SDS: variants seen among roughly 807,000 people sequenced by gnomAD.
The protein encoded by SDS is serine dehydratase.
Under a neutral mutation model 29.3 loss-of-function variants are expected in SDS, and 19 were observed. That is an observed-to-expected ratio of 0.65 (90% confidence interval 0.45 to 0.95). The LOEUF is 0.95. Among genes scored for constraint, SDS ranks in the 40% least tolerant of loss-of-function variants. The pLI is 0.00. For synonymous variants in SDS, 176 were observed against 189.0 expected, an observed-to-expected ratio of 0.93 and a Z score of 0.56; for missense variants, 375 against 439.9, an observed-to-expected ratio of 0.85 and a Z score of 1.32.
Position 113,393,025 on chromosome 12 carries a change from G to A in SDS, c.903C>T (p.Ile301=). ...LRTPLPSLVV[I]VCGGSNISLA... is the part of the protein sequence containing the mutation. ...GGCTGATGTTGCTGCCCCCGCAGAC[G>A]ATGACCACGAGGGATGGCAGCGGGG... The change falls in exon 8 of 8, where the codon ATC becomes ATT. Residue 301 remains isoleucine (I), a synonymous_variant. Transcript: ENST00000257549. The A allele has an allele frequency of 1.2e-6, 2 of 1,614,190 alleles. No individual in the cohort carries two copies. Among genetic ancestry groups the A allele is most frequent in the Non-Finnish European group, 8.5e-7 (1 of 1,180,014 alleles).
In SDS at chr12:113,397,248, G is replaced by C; in HGVS notation, c.570C>G (p.Val190=). The C allele has an allele frequency of 1.2e-6, 2 of 1,614,196 alleles. No homozygotes were observed. Among genetic ancestry groups the C allele is most frequent in the Non-Finnish European group, 1.7e-6 (2 of 1,180,036 alleles). Residue 190 remains valine (V), a synonymous_variant, in exon 6 of 8, where the codon GTC becomes GTG. Coordinates refer to ENST00000257549, the MANE Select transcript of SDS (RefSeq NM_006843.3). The stretch of plus-strand genomic sequence containing the variant: ...GGGCACCAAAAGTCTCCATGGCGAT[G>C]ACAGGCACGTCCCCCCAGCCCACCT... ...LQEVGWGDVP[V]IAMETFGAHS...
chr12:113,401,580 G>T (rs1957685026), intron 1 of SDS, among the ~76,000 whole-genome samples: 1 of 152,134 alleles, frequency 6.6e-6, no homozygotes, highest in Non-Finnish European at 1.5e-5. Flanking sequence ...CACAGCAACA[G>T]GAAGGGGAAT....
intron 6 of SDS, chr12:113,396,768 C>T (rs527591213): frequency 3.0e-5 from 7 of 233,334 alleles, no homozygotes; most frequent in African/African-American, 1.3e-4. Flanking sequence ...TGGGACTATG[C>T]GTGTGTGCTA....
chr12:113,393,628 C>T (rs1565868704), intron 7 of SDS, among the ~76,000 whole-genome samples: 2 of 152,226 alleles, frequency 1.3e-5, no homozygotes, highest in Non-Finnish European at 2.9e-5. Context: ...TCAGAAGCAA[C>T]ATTTTAAATA....
rs367733310 is a variant in SDS, at chr12:113,392,967, C to T, written c.961G>A (p.Gly321Ser). ...AQLRALKEQL[G>S]MTNRLPK Reference sequence around the variant, plus strand: ...CACTTGGGCAACCTATTTGTCATGCCCAGCTGTTCCTTGAGCGCCCGCAGC... The same window carrying T: ...CACTTGGGCAACCTATTTGTCATGCTCAGCTGTTCCTTGAGCGCCCGCAGC... Residue 321 changes from glycine to serine, a missense_variant, in exon 8 of 8, where the codon GGC (glycine) becomes AGC (serine). Coordinates refer to ENST00000257549, the MANE Select transcript of SDS (RefSeq NM_006843.3). 4.0e-5 allele frequency: 64 copies of T among 1,614,116 alleles called. 5 individuals are homozygous for T. In the Middle Eastern group the frequency reaches 8.6e-3, roughly 216 times the overall value.
At chr12:113,393,299 C>G in intron 7 of SDS, 150 bp from the exon 8 acceptor site, 1 of 778,394 alleles carries the variant, frequency 1.3e-6, no homozygotes, top group Non-Finnish European at 2.1e-6. Context: ...GTCCCGTCAT[C>G]GGCCTGAATT....
rs529204977 is a variant in SDS, at chr12:113,400,706, T to G, written c.-2-996A>C. 5.9e-5 allele frequency among the ~76,000 whole-genome samples: 9 copies of G among 152,200 alleles called. No individual in the cohort carries two copies. In the South Asian group the frequency reaches 1.7e-3, roughly 28 times the overall value. On this transcript the variant is annotated intron_variant, in intron 1 of 7. Transcript: ENST00000257549. ...TTTTTTTTGTTTTGTTCCACATGTTTCCATGTGCACAGAGCATTTCAGGAA... is the reference window on the plus strand; with the variant it reads ...TTTTTTTTGTTTTGTTCCACATGTTGCCATGTGCACAGAGCATTTCAGGAA...
At chr12:113,400,247 G>A (rs1217220730) in intron 1 of SDS, among the ~76,000 whole-genome samples, 3 of 151,846 alleles carry the variant, frequency 2.0e-5, no homozygotes, top group South Asian at 2.1e-4. Flanking sequence ...GAGCGAGATC[G>A]CGCCATTGCA....
chr12:113,403,014 T>A (rs1957693902), intron 1 of SDS, among the ~76,000 whole-genome samples: 1 of 152,142 alleles, frequency 6.6e-6, no homozygotes, highest in Non-Finnish European at 1.5e-5. Context: ...GTGCAGGTCA[T>A]CCTTTCACCG....
At chr12:113,393,776 G>T in intron 7 of SDS, 116 bp downstream of exon 7, 7 of 1,372,676 alleles carry the variant, frequency 5.1e-6, no homozygotes, top group Non-Finnish European at 6.1e-6. Flanking sequence ...GGCAGAGGTG[G>T]AAGACAGAAC....
At chr12:113,398,489 A>G in intron 5 of SDS, 26 bp downstream of exon 5, 3 of 1,500,114 alleles carry the variant, frequency 2.0e-6, no homozygotes, top group Non-Finnish European at 2.7e-6. Flanking sequence ...TGCCACCCCC[A>G]CCAAGTGACC....
chr12:113,396,908 G>T, intron 6 of SDS: 1 of 540,388 alleles, frequency 1.9e-6, no homozygotes, highest in East Asian at 3.0e-5. Context: ...CAAAGTGCTG[G>T]GATTACAGGC....
chr12:113,399,185 C>A, intron 2 of SDS, 34 bp from the exon 3 acceptor site: 1 of 1,611,486 alleles, frequency 6.2e-7, no homozygotes, highest in African/African-American at 1.3e-5. Context: ...CTCAGGCCCA[C>A]CTCCCAGTCA....
chr12:113,403,332 T>A (rs2136937574), intron 1 of SDS, among the ~76,000 whole-genome samples: 1 of 152,178 alleles, frequency 6.6e-6, no homozygotes, highest in East Asian at 1.9e-4. Context: ...GAGACCAGCC[T>A]GGCCAACATG....
At chr12:113,402,883 G>A (rs1025674069) in intron 1 of SDS, among the ~76,000 whole-genome samples, 1 of 152,194 alleles carries the variant, frequency 6.6e-6, no homozygotes, top group Non-Finnish European at 1.5e-5. Context: ...GGAGGAGGGA[G>A]GGAGCCCTGA....
chr12:113,400,246 C>T lies in SDS; in HGVS notation c.-2-536G>A, dbSNP rs747248379. ...AGGCGGAGGTTGCAGTGAGCGAGAT[C>T]GCGCCATTGCACTCCTGCCTGGGTG... On this transcript the variant is annotated intron_variant, in intron 1 of 7. Transcript: ENST00000257549. Among the ~76,000 whole-genome samples the T allele has an allele frequency of 3.2e-4, 48 of 151,342 alleles. 1 individual carries two copies. The highest frequency in any genetic ancestry group is 2.9e-4 in the Non-Finnish European group (20 of 67,904).
At chr12:113,398,891 G>A in intron 3 of SDS, 45 bp from the exon 4 acceptor site, 1 of 1,561,026 alleles carries the variant, frequency 6.4e-7, no homozygotes, top group African/African-American at 1.4e-5. Flanking sequence ...GGGAGCATCT[G>A]GGAGCCCAGG....
chr12:113,398,017 A>G (rs1957658658), intron 5 of SDS, among the ~76,000 whole-genome samples: 1 of 149,950 alleles, frequency 6.7e-6, no homozygotes, highest in Non-Finnish European at 1.5e-5. Context: ...ATTTGGTGAC[A>G]TGTGTGCACT....
intron 1 of SDS, among the ~76,000 whole-genome samples, chr12:113,401,089 C>T (rs1290074250): frequency 3.9e-5 from 6 of 152,016 alleles, no homozygotes; most frequent in Admixed American, 2.6e-4. Context: ...ACTCCAGCCT[C>T]GTCTACAGAT....
Sources: gnomAD v4.1 joint callset for allele counts (sites outside exome capture counted in the v4.1 genomes callset) on GRCh38, gnomAD v4.1.1 for gene constraint, MANE v1.5 for transcripts, NCBI Gene and HGNC (gene_info 2026-07-23, HGNC 2026-07-21) for gene names.